The following ADAMTS19 variants were observed in gnomAD, a reference collection of about 807,000 sequenced individuals.
ADAMTS19 encodes the protein ADAM metallopeptidase with thrombospondin type 1 motif 19.
A neutral mutation model predicts 153.3 loss-of-function variants in ADAMTS19; 93 were observed. The observed-to-expected ratio is 0.61, with a 90% CI of 0.51 to 0.72. ADAMTS19 has a LOEUF of 0.72. ADAMTS19 is among the 30% of genes least tolerant of loss of function. The probability of loss-of-function intolerance (pLI) is 0.00; values close to 1 mark genes in which losing one functional copy is unlikely to be tolerated. For synonymous variants in ADAMTS19, 600 were observed against 556.6 expected (o/e 1.08, Z -1.10); for missense variants, 1,482 against 1,552.1 (o/e 0.95, Z 0.76).
At chr5:129,725,200 G>T (rs1467675292) in intron 21 of ADAMTS19, among the ~76,000 whole-genome samples, 1 of 152,144 alleles carries the variant, frequency 6.6e-6, no homozygotes. Context: ...GAGCAGGAAT[G>T]AAAGGACGGA....
intron 7 of ADAMTS19, among the ~76,000 whole-genome samples, chr5:129,555,657 A>G (rs1028440361): frequency 6.6e-6 from 1 of 152,132 alleles, no homozygotes; most frequent in Non-Finnish European, 1.5e-5. Context: ...CATTTTATCT[A>G]CACCAGTTTC....
At chr5:129,595,247 C>A (rs1325143412) in intron 7 of ADAMTS19, among the ~76,000 whole-genome samples, 1 of 152,036 alleles carries the variant, frequency 6.6e-6, no homozygotes, top group East Asian at 1.9e-4. Flanking sequence ...TTTCAACCCT[C>A]CTGCATTGCT....
chr5:129,647,489 T>C (rs1466776960), intron 11 of ADAMTS19, among the ~76,000 whole-genome samples: 1 of 152,158 alleles, frequency 6.6e-6, no homozygotes, highest in African/African-American at 2.4e-5. Context: ...CTACCCATAA[T>C]CTTTACCCTG....
At chr5:129,706,228 A>G (rs1199088374) in intron 21 of ADAMTS19, among the ~76,000 whole-genome samples, 1 of 152,188 alleles carries the variant, frequency 6.6e-6, no homozygotes, top group Non-Finnish European at 1.5e-5. Flanking sequence ...TTTACAAACC[A>G]CGTAAAAAAC....
chr5:129,463,687 G>A (rs562259272), intron 2 of ADAMTS19, among the ~76,000 whole-genome samples: 2 of 152,270 alleles, frequency 1.3e-5, no homozygotes, highest in African/African-American at 2.4e-5. Flanking sequence ...GCTGTTATCT[G>A]TACTCTGGAA....
chr5:129,550,949 T>C (rs1753069771), intron 6 of ADAMTS19, among the ~76,000 whole-genome samples: 2 of 151,838 alleles, frequency 1.3e-5, no homozygotes, highest in African/African-American at 4.8e-5. Flanking sequence ...ACTAACTTTT[T>C]AGAGCTTACT....
At chr5:129,575,854 A>G (rs1389775845) in intron 7 of ADAMTS19, among the ~76,000 whole-genome samples, 2 of 152,072 alleles carry the variant, frequency 1.3e-5, no homozygotes, top group African/African-American at 4.8e-5. Flanking sequence ...GCTTAATTCA[A>G]AATCTCTAAG....
chr5:129,713,568 C>T (rs1053791432), intron 21 of ADAMTS19, among the ~76,000 whole-genome samples: 17 of 152,122 alleles, frequency 1.1e-4, no homozygotes, highest in African/African-American at 3.6e-4. Flanking sequence ...CAAGACCAGC[C>T]TGGCCAACAT....
At chr5:129,647,048 G>C (rs1034660405) in intron 11 of ADAMTS19, among the ~76,000 whole-genome samples, 1 of 151,886 alleles carries the variant, frequency 6.6e-6, no homozygotes, top group Non-Finnish European at 1.5e-5. Flanking sequence ...AAAAGAGAAT[G>C]ACTACACTTC....
At chr5:129,622,410 A>G in intron 10 of ADAMTS19, 62 bp downstream of exon 10, 1 of 1,570,578 alleles carries the variant, frequency 6.4e-7, no homozygotes, top group Non-Finnish European at 8.7e-7. Flanking sequence ...GATTGGTAGG[A>G]GAAGGTAACA....
intron 6 of ADAMTS19, among the ~76,000 whole-genome samples, chr5:129,535,101 T>C (rs531392351): frequency 6.6e-6 from 1 of 152,192 alleles, no homozygotes; most frequent in East Asian, 1.9e-4. Flanking sequence ...GGGCATTCAA[T>C]TAGGAAAAGA....
intron 3 of ADAMTS19, among the ~76,000 whole-genome samples, chr5:129,522,252 CATAAT>C (rs1751835294): frequency 7.0e-6 from 1 of 143,576 alleles, no homozygotes; most frequent in South Asian, 2.2e-4. Flanking sequence ...TATACACACA[CATAAT>C]ATATAAACAA....
chr5:129,639,028 G>A (rs1431993467), intron 10 of ADAMTS19, among the ~76,000 whole-genome samples: 1 of 151,982 alleles, frequency 6.6e-6, no homozygotes, highest in Non-Finnish European at 1.5e-5. Context: ...CATAACAAAG[G>A]AATATCGTAT....
chr5:129,471,970 T>A (rs2126652639), intron 2 of ADAMTS19, among the ~76,000 whole-genome samples: 1 of 152,350 alleles, frequency 6.6e-6, no homozygotes. Flanking sequence ...AAAGTTAGGT[T>A]GATTCCATGC....
At chr5:129,542,728 G>C (rs2126802106) in intron 6 of ADAMTS19, among the ~76,000 whole-genome samples, 1 of 152,122 alleles carries the variant, frequency 6.6e-6, no homozygotes, top group South Asian at 2.1e-4. Context: ...TTTTCAGAAA[G>C]ATATATATAT....
chr5:129,538,731 A>C (rs576935813), intron 6 of ADAMTS19, among the ~76,000 whole-genome samples: 1 of 152,204 alleles, frequency 6.6e-6, no homozygotes, highest in South Asian at 2.1e-4. Flanking sequence ...TTTATAATCC[A>C]TATTTTCCCT....
intron 2 of ADAMTS19, among the ~76,000 whole-genome samples, chr5:129,482,016 T>C (rs1463454203): frequency 6.6e-6 from 1 of 152,156 alleles, no homozygotes; most frequent in Non-Finnish European, 1.5e-5. Flanking sequence ...TGCCTTTGCT[T>C]CCTCTGCATC....
chr5:129,487,532 A>G (rs1014534822), intron 2 of ADAMTS19, among the ~76,000 whole-genome samples: 1 of 152,088 alleles, frequency 6.6e-6, no homozygotes, highest in Admixed American at 6.6e-5. Context: ...CTGGCTTACC[A>G]CTTTGTATAA....
intron 2 of ADAMTS19, among the ~76,000 whole-genome samples, chr5:129,485,648 T>A (rs1237867233): frequency 1.3e-5 from 2 of 152,258 alleles, no homozygotes; most frequent in East Asian, 3.9e-4. Context: ...ATTAAAACAA[T>A]AATAAGTAAA....
Sources: allele counts gnomAD v4.1 joint callset (sites outside exome capture counted in the v4.1 genomes callset), GRCh38; gene constraint gnomAD v4.1.1; transcripts MANE v1.5; gene names NCBI Gene and HGNC (gene_info 2026-07-23, HGNC 2026-07-21).